ARHGEF3: variants seen among roughly 807,000 people sequenced by gnomAD.
ARHGEF3 encodes the protein Rho guanine nucleotide exchange factor 3.
A neutral mutation model predicts 63.2 loss-of-function variants in ARHGEF3; 28 were observed. That is an observed-to-expected ratio of 0.44 (90% CI 0.33 to 0.61). The LOEUF (loss-of-function observed/expected upper bound fraction) is 0.61, where lower values mean the gene tolerates loss of function less well. Ranked by LOEUF, ARHGEF3 falls within the 20% of genes least tolerant of loss-of-function variation. The pLI, the probability that ARHGEF3 is intolerant of heterozygous loss-of-function variation, is 0.03. For missense variants in ARHGEF3, 533 were observed against 659.3 expected, an observed-to-expected ratio of 0.81 and a Z score of 2.10; for synonymous variants, 266 against 254.2, an observed-to-expected ratio of 1.05 and a Z score of -0.44.
intron 2 of ARHGEF3, among the ~76,000 whole-genome samples, chr3:56,770,264 G>T (rs2035932384): frequency 6.6e-6 from 1 of 152,038 alleles, no homozygotes; most frequent in South Asian, 2.1e-4. Flanking sequence ...ACAAAAATTA[G>T]CCAGGTGTGA....
intron 3 of ARHGEF3, among the ~76,000 whole-genome samples, chr3:56,915,129 T>C (rs772333493): frequency 3.3e-5 from 5 of 151,994 alleles, no homozygotes; most frequent in Non-Finnish European, 7.4e-5. Flanking sequence ...ATGAGAAGAA[T>C]AGAAAAAGCA....
intron 3 of ARHGEF3, among the ~76,000 whole-genome samples, chr3:56,887,489 T>C (rs550625655): frequency 1.5e-4 from 23 of 152,110 alleles, no homozygotes; most frequent in African/African-American, 5.3e-4. Flanking sequence ...AGATGTTGGG[T>C]GACAAGACCT....
intron 2 of ARHGEF3, among the ~76,000 whole-genome samples, chr3:56,755,384 A>G (rs952845101): frequency 6.6e-6 from 1 of 152,218 alleles, no homozygotes; most frequent in African/African-American, 2.4e-5. Context: ...TGACCTGGAT[A>G]CCAAGTGGAC....
intron 4 of ARHGEF3, among the ~76,000 whole-genome samples, chr3:56,831,741 A>G (rs1318584927): frequency 6.6e-6 from 1 of 152,242 alleles, no homozygotes; most frequent in Admixed American, 6.5e-5. Flanking sequence ...GTACGTTCAG[A>G]AAACATAATC....
intron 4 of ARHGEF3, among the ~76,000 whole-genome samples, chr3:56,813,953 T>C (rs1366966206): frequency 6.6e-6 from 1 of 152,180 alleles, no homozygotes; most frequent in Non-Finnish European, 1.5e-5. Flanking sequence ...TGTCCTGAAG[T>C]GGCCAAGCAT....
At chr3:56,737,800 C>T (rs907725855) in intron 7 of ARHGEF3, among the ~76,000 whole-genome samples, 10 of 152,050 alleles carry the variant, frequency 6.6e-5, no homozygotes, top group African/African-American at 1.9e-4. Flanking sequence ...ATAGCTTCAA[C>T]GTCTCTCTAT....
intron 3 of ARHGEF3, among the ~76,000 whole-genome samples, chr3:56,906,234 T>G (rs1363815699): frequency 6.6e-6 from 1 of 152,212 alleles, no homozygotes; most frequent in East Asian, 1.9e-4. Flanking sequence ...AAATTTAAAA[T>G]GCACCTCCTC....
In ARHGEF3 at chr3:57,031,223, A is replaced by C. The variant is rs542958760; in HGVS notation, c.62+3865T>G. Among the ~76,000 whole-genome samples, 6 of 152,362 alleles carry C rather than the reference A, an allele frequency of 3.9e-5. No homozygotes were observed. The South Asian group carries it at 1.2e-3, about 32-fold the overall frequency. Reference sequence around the variant, plus strand: ...ACAAGAGGTGAGACGTAGCCCCATGAGGTTTGCAGTCCAATAGGTGAAAGA... The same window carrying C: ...ACAAGAGGTGAGACGTAGCCCCATGCGGTTTGCAGTCCAATAGGTGAAAGA... On this transcript the variant is annotated intron_variant, in intron 2 of 12. Coordinates refer to the ARHGEF3 transcript ENST00000338458.
At chr3:57,067,803 C>A (rs1196097597) in intron 1 of ARHGEF3, among the ~76,000 whole-genome samples, 1 of 147,926 alleles carries the variant, frequency 6.8e-6, no homozygotes, top group Non-Finnish European at 1.5e-5. Flanking sequence ...CACGGTGAAA[C>A]CCCGTCTCTA....
chr3:56,738,672 G>T (rs1004583898), intron 7 of ARHGEF3, among the ~76,000 whole-genome samples: 1 of 152,168 alleles, frequency 6.6e-6, no homozygotes, highest in African/African-American at 2.4e-5. Flanking sequence ...ATAAAAACAA[G>T]AGTACTGCCT....
At chr3:56,801,551 T>G in intron 1 of ARHGEF3, 152 bp downstream of exon 1, 1 of 1,037,832 alleles carries the variant, frequency 9.6e-7, no homozygotes. Flanking sequence ...AAGAAGACTG[T>G]GGGAGAGATG....
intron 1 of ARHGEF3, among the ~76,000 whole-genome samples, chr3:56,783,989 C>A (rs968830709): frequency 6.6e-6 from 1 of 152,212 alleles, no homozygotes; most frequent in African/African-American, 2.4e-5. Flanking sequence ...GAGAACTGCA[C>A]ACCCACACCC....
chr3:56,907,474 C>G (rs1263528268), intron 3 of ARHGEF3, among the ~76,000 whole-genome samples: 1 of 152,034 alleles, frequency 6.6e-6, no homozygotes, highest in Non-Finnish European at 1.5e-5. Flanking sequence ...TAATAAAGAC[C>G]TAAAAACAGA....
intron 3 of ARHGEF3, 120 bp from the exon 4 acceptor site, chr3:56,753,686 G>T: frequency 1.2e-6 from 1 of 839,910 alleles, no homozygotes; most frequent in African/African-American, 1.7e-5. Flanking sequence ...TTTAAGTTAC[G>T]TTAACCTGAA....
chr3:57,031,665 C>T (rs1236740425), intron 2 of ARHGEF3, among the ~76,000 whole-genome samples: 5 of 152,208 alleles, frequency 3.3e-5, no homozygotes, highest in Admixed American at 6.5e-5. Flanking sequence ...ACCAAATGAA[C>T]AATCAATTAA....
intron 3 of ARHGEF3, among the ~76,000 whole-genome samples, chr3:56,926,336 T>A (rs1279884668): frequency 6.6e-6 from 1 of 151,730 alleles, no homozygotes; most frequent in Non-Finnish European, 1.5e-5. Context: ...AAGGAAGGAG[T>A]TCCAACTCCA....
At chr3:56,995,196 T>A (rs1701922028) in intron 2 of ARHGEF3, among the ~76,000 whole-genome samples, 1 of 152,136 alleles carries the variant, frequency 6.6e-6, no homozygotes, top group South Asian at 2.1e-4. Flanking sequence ...TTCAACTCTT[T>A]GTAAAGCAAT....
chr3:56,918,671 G>T (rs1223042618), intron 3 of ARHGEF3, among the ~76,000 whole-genome samples: 2 of 152,218 alleles, frequency 1.3e-5, no homozygotes, highest in African/African-American at 4.8e-5. Context: ...ATGGGTCCAT[G>T]AAGAAGGCAC....
At chr3:57,037,626 G>A (rs1022613629) in intron 1 of ARHGEF3, among the ~76,000 whole-genome samples, 12 of 152,216 alleles carry the variant, frequency 7.9e-5, no homozygotes, top group African/African-American at 2.4e-4. Flanking sequence ...TGTAATCCCA[G>A]CACTTTGGGA....
Sources: allele counts gnomAD v4.1 joint callset (sites outside exome capture counted in the v4.1 genomes callset), GRCh38; gene constraint gnomAD v4.1.1; transcripts MANE v1.5; gene names NCBI Gene and HGNC (gene_info 2026-07-23, HGNC 2026-07-21).